SYTL3: variants seen among roughly 807,000 people sequenced by gnomAD.
SYTL3 encodes synaptotagmin-like protein 3.
Under a neutral mutation model 82.1 loss-of-function variants are expected in SYTL3, and 88 were observed. The observed-to-expected ratio is 1.07, with a 90% CI of 0.90 to 1.28. The LOEUF is 1.28. Ranked by LOEUF, SYTL3 falls within the 50% of genes most tolerant of loss-of-function variation. The probability of loss-of-function intolerance (pLI) is 0.00; values close to 1 mark genes in which losing one functional copy is unlikely to be tolerated. For missense variants in SYTL3, 831 were observed against 757.6 expected (o/e 1.10, Z -1.14); for synonymous variants, 311 against 289.4 (o/e 1.07, Z -0.76).
At chr6:158,646,640 G>A (rs1229457101), upstream of SYTL3, among the ~76,000 whole-genome samples, 2 of 152,224 alleles carry the variant, frequency 1.3e-5, no homozygotes, top group African/African-American at 4.8e-5. Context: ...GGCCCTGGGT[G>A]TTCGGCCTGA....
intron 5 of SYTL3, among the ~76,000 whole-genome samples, chr6:158,679,243 G>A (rs1333057460): frequency 6.6e-6 from 1 of 152,070 alleles, no homozygotes; most frequent in African/African-American, 2.4e-5. Context: ...GGTGGTGCAT[G>A]CCTGTAATCC....
intron 2 of SYTL3, among the ~76,000 whole-genome samples, chr6:158,660,926 G>A (rs317794): frequency 0.11 from 16,009 of 152,108 alleles, 947 homozygotes; most frequent in Non-Finnish European, 0.14. Context: ...ATGGTAGCCC[G>A]CACCTGTAGT....
chr6:158,760,735 G>A lies in SYTL3; in HGVS notation c.1404G>A (p.Glu468=), dbSNP rs1205799851. 1.9e-6 allele frequency: 3 copies of A among 1,613,576 alleles called. No individual in the cohort carries two copies. The highest frequency in any genetic ancestry group is 1.3e-5 in the African/African-American group (1 of 74,922). ...VLPSRPRKLQ[E]AQEGTDQPSL... Reference sequence around the variant, plus strand: ...CTTCACGGCCCAGAAAACTCCAAGAGGCTCAAGAAGGTCAGTGGCCTCCAG... The same window carrying A: ...CTTCACGGCCCAGAAAACTCCAAGAAGCTCAAGAAGGTCAGTGGCCTCCAG... Residue 468 remains glutamate (E), a synonymous_variant, in exon 15 of 18, where the codon GAG becomes GAA. Transcript: ENST00000611299.
chr6:158,757,781 A>G, intron 14 of SYTL3, among the ~76,000 whole-genome samples: 1 of 152,040 alleles, frequency 6.6e-6, no homozygotes, highest in East Asian at 1.9e-4. Context: ...TAACCTTTCA[A>G]CCCCAGGCAC....
Position 158,745,476 on chromosome 6 carries a change from T to A in SYTL3, c.856-4T>A, listed in dbSNP as rs931839239. Reference sequence around the variant, plus strand: ...CTTATTATATCTGTTATTCTTGATTTCAGGGAAGTTTAATTAGCATTGACA... The same window carrying A: ...CTTATTATATCTGTTATTCTTGATTACAGGGAAGTTTAATTAGCATTGACA... On this transcript the variant is annotated splice_region_variant and splice_polypyrimidine_tract_variant and intron_variant, in intron 11 of 17. Coordinates refer to ENST00000611299, the MANE Select transcript of SYTL3 (RefSeq NM_001242394.2). The A allele has an allele frequency of 6.2e-7, 1 of 1,606,300 alleles. No homozygotes were observed. The highest frequency in any genetic ancestry group is 1.3e-5 in the African/African-American group (1 of 74,690).
Position 158,763,326 on chromosome 6 carries a change from C to T in SYTL3, c.1540C>T (p.Gln514Ter). The T allele has an allele frequency of 1.9e-6, 3 of 1,614,188 alleles. No individual in the cohort carries two copies. The highest frequency in any genetic ancestry group is 1.1e-5 in the South Asian group (1 of 91,086). Residue 514 changes from glutamine to a stop codon, truncating the protein, a stop_gained, in exon 17 of 18, where the codon CAA becomes TAA. Coordinates refer to ENST00000611299, the MANE Select transcript of SYTL3 (RefSeq NM_001242394.2). LOFTEE classifies it high-confidence loss of function. ...VKGCLTLPDQ[Q>*]KLRLKSPVLR... ...CAGCTGTCTCACTCTGCCAGACCAACAAAAACTGAGACTGAAGTCGCCAGT... is the reference window on the plus strand; with the variant it reads ...CAGCTGTCTCACTCTGCCAGACCAATAAAAACTGAGACTGAAGTCGCCAGT...
intron 14 of SYTL3, among the ~76,000 whole-genome samples, chr6:158,759,051 G>A (rs984249490): frequency 1.3e-5 from 2 of 152,134 alleles, no homozygotes; most frequent in South Asian, 2.1e-4. Context: ...CCTTCTGTCC[G>A]AGGCTGAATC....
At chr6:158,748,352 C>T (rs1476877205) in intron 12 of SYTL3, among the ~76,000 whole-genome samples, 1 of 152,202 alleles carries the variant, frequency 6.6e-6, no homozygotes, top group Non-Finnish European at 1.5e-5. Flanking sequence ...TCCTTCGTAA[C>T]AGAATCTCTC....
intron 11 of SYTL3, among the ~76,000 whole-genome samples, chr6:158,731,034 C>T (rs1367245683): frequency 6.6e-6 from 1 of 152,196 alleles, no homozygotes; most frequent in Non-Finnish European, 1.5e-5. Flanking sequence ...CCTGTAATCC[C>T]AGCACTTTGG....
intron 3 of SYTL3, among the ~76,000 whole-genome samples, chr6:158,661,726 A>C (rs1789404148): frequency 6.6e-6 from 1 of 152,244 alleles, no homozygotes; most frequent in Non-Finnish European, 1.5e-5. Context: ...GCAAGAAACC[A>C]CAGTAGAATC....
In SYTL3 at chr6:158,736,680, T is replaced by C. The variant is rs556186205; in HGVS notation, c.856-8800T>C. 2.4e-4 allele frequency among the ~76,000 whole-genome samples: 36 copies of C among 149,634 alleles called. 1 individual carries two copies. The East Asian group carries it at 2.4e-3, about 10-fold the overall frequency. On this transcript the variant is annotated intron_variant, in intron 11 of 17. Coordinates refer to ENST00000611299, the MANE Select transcript of SYTL3 (RefSeq NM_001242394.2). ...GCAGGTGCCTGTAATCCCACCTACT[T>C]GGGAGGCTGAGGCAGGAGAAATGCT...
intron 10 of SYTL3, among the ~76,000 whole-genome samples, chr6:158,720,207 G>A (rs543369599): frequency 2.0e-5 from 3 of 152,248 alleles, no homozygotes; most frequent in African/African-American, 7.2e-5. Flanking sequence ...TTCGAGAGCA[G>A]CCTAGCCAAC....
chr6:158,726,288 C>A, intron 11 of SYTL3: 1 of 430,010 alleles, frequency 2.3e-6, no homozygotes. Flanking sequence ...CATTGTTATC[C>A]CCATGACACA....
chr6:158,682,647 C>T (rs1250949216), intron 5 of SYTL3, among the ~76,000 whole-genome samples: 3 of 152,204 alleles, frequency 2.0e-5, no homozygotes, highest in Non-Finnish European at 4.4e-5. Flanking sequence ...GCATGAGCCA[C>T]CACACCTAGC....
At chr6:158,645,990 C>T (rs75639306), upstream of SYTL3, among the ~76,000 whole-genome samples, 2,833 of 152,246 alleles carry the variant, frequency 0.019, 94 homozygotes, top group African/African-American at 0.065. Context: ...TTTGCAAGAA[C>T]GTATTTATGG....
chr6:158,757,503 C>G (rs1789288637), intron 14 of SYTL3, 122 bp downstream of exon 14: 2 of 1,091,492 alleles, frequency 1.8e-6, no homozygotes, highest in South Asian at 3.0e-5. Flanking sequence ...TGTGTGTTCG[C>G]CGGCCTGGCG....
At chr6:158,761,889 C>T (rs901579801) in intron 15 of SYTL3, among the ~76,000 whole-genome samples, 187 bp from the exon 16 acceptor site, 3 of 152,146 alleles carry the variant, frequency 2.0e-5, no homozygotes, top group Admixed American at 1.3e-4. Flanking sequence ...CAGAGCGGCA[C>T]GGTGTGGGCA....
intron 5 of SYTL3, among the ~76,000 whole-genome samples, chr6:158,681,684 A>G (rs1222259481): frequency 6.6e-6 from 1 of 152,074 alleles, no homozygotes; most frequent in Non-Finnish European, 1.5e-5. Context: ...CAACAACAAG[A>G]ACAAGTTGTC....
intron 5 of SYTL3, 107 bp from the exon 6 acceptor site, chr6:158,682,818 C>A: frequency 1.3e-6 from 1 of 744,838 alleles, no homozygotes; most frequent in South Asian, 1.7e-5. Context: ...TGCTGAGGTC[C>A]ATTGCAAGAC....
Sources: gnomAD v4.1 joint callset for allele counts (sites outside exome capture counted in the v4.1 genomes callset) on GRCh38, gnomAD v4.1.1 for gene constraint, MANE v1.5 for transcripts, NCBI Gene and HGNC (gene_info 2026-07-23, HGNC 2026-07-21) for gene names.